Variants in MYLK observed in about 807,000 individuals in gnomAD.
MYLK encodes myosin light chain kinase.
In MYLK, 106 loss-of-function variants were observed where a neutral mutation model predicts 203.4. The ratio of observed to expected loss-of-function variants is 0.52; its 90% CI spans 0.45 to 0.61. MYLK has a LOEUF of 0.61. Among genes scored for constraint, MYLK ranks in the 20% least tolerant of loss-of-function variants. The pLI, the probability that MYLK is intolerant of heterozygous loss-of-function variation, is 0.00. For synonymous variants in MYLK, 867 were observed against 959.5 expected, an observed-to-expected ratio of 0.90 and a Z score of 1.78; for missense variants, 2,072 against 2,442.3, an observed-to-expected ratio of 0.85 and a Z score of 3.20.
rs776964311 is a variant in MYLK, at chr3:123,700,454, G to A, written c.3014C>T (p.Ala1005Val). The change falls in exon 18 of 34, where the codon GCC (alanine) becomes GTC (valine). Residue 1005 changes from alanine to valine, a missense_variant. By Grantham distance (64) the Ala-to-Val change is moderately conservative. Around this residue, in one of 3 missense-constraint regions of MYLK, gnomAD observed 865 missense variants for 1,016.0 expected, o/e 0.85. Transcript: ENST00000360304. ...NGSSSAETLN[A>V]KAVESSKPLS... ...GGGCTTGGAACTCTCCACTGCCTTGGCATTCAGGGTCTCGGCACTGCTGCT... is the reference window on the plus strand; with the variant it reads ...GGGCTTGGAACTCTCCACTGCCTTGACATTCAGGGTCTCGGCACTGCTGCT... The A allele has an allele frequency of 6.2e-7, 1 of 1,608,722 alleles. No individual in the cohort carries two copies.
chr3:123,618,567 C>T (rs860224), intron 33 of MYLK, 72 bp downstream of exon 33: 16 of 1,598,982 alleles, frequency 1.0e-5, no homozygotes, highest in Non-Finnish European at 1.4e-5. Flanking sequence ...TTCTTGCCCA[C>T]GGTGCATGGT....
intron 3 of MYLK, among the ~76,000 whole-genome samples, chr3:123,811,542 G>C (rs761628166): frequency 6.6e-6 from 1 of 152,194 alleles, no homozygotes; most frequent in Non-Finnish European, 1.5e-5. Context: ...CTTCATGCTT[G>C]TCTACTCCTG....
intron 11 of MYLK, among the ~76,000 whole-genome samples, chr3:123,732,038 G>A (rs1386793506): frequency 6.6e-6 from 1 of 150,792 alleles, no homozygotes; most frequent in Non-Finnish European, 1.5e-5. Flanking sequence ...AAAAAAATGG[G>A]TGAAAGTTAT....
intron 7 of MYLK, 91 bp from the exon 8 acceptor site, chr3:123,737,634 C>A (rs1376551952): frequency 6.5e-7 from 1 of 1,540,200 alleles, no homozygotes; most frequent in South Asian, 1.1e-5. Context: ...GTGGGATAGA[C>A]TCCAGGGCCT....
At chr3:123,645,949 G>A (rs56768229) in intron 27 of MYLK, among the ~76,000 whole-genome samples, 11,349 of 152,180 alleles carry the variant, frequency 0.075, 1,345 homozygotes, top group African/African-American at 0.26. Flanking sequence ...TTCGAGACCA[G>A]CCTGGGCAAC....
At chr3:123,860,668 G>A (rs1034479479) in intron 2 of MYLK, among the ~76,000 whole-genome samples, 4 of 152,172 alleles carry the variant, frequency 2.6e-5, no homozygotes, top group Non-Finnish European at 4.4e-5. Flanking sequence ...GCCGTGGATC[G>A]TTAAAGTACT....
chr3:123,719,014 C>T (rs2877733), intron 13 of MYLK, among the ~76,000 whole-genome samples: 4,694 of 152,210 alleles, frequency 0.031, 201 homozygotes, highest in African/African-American at 0.1. Flanking sequence ...GAGAAAGTGA[C>T]ATTTGTGGGA....
intron 3 of MYLK, 115 bp downstream of exon 3, chr3:123,831,433 G>C (rs1336268368): frequency 7.8e-7 from 1 of 1,289,296 alleles, no homozygotes; most frequent in Admixed American, 2.3e-5. Context: ...CTCACCTTGG[G>C]GGCAGCAGTC....
At chr3:123,683,624 G>C (rs1449240762) in intron 19 of MYLK, among the ~76,000 whole-genome samples, 2 of 152,096 alleles carry the variant, frequency 1.3e-5, no homozygotes, top group African/African-American at 4.8e-5. Context: ...CCAACCTAGT[G>C]CCTGCCTCCT....
rs1242296759 is a variant in MYLK at position 123,611,199 on chromosome 3, C to T, written c.*2906G>A. On this transcript the variant is annotated 3_prime_UTR_variant, in exon 34 of 34. Transcript: ENST00000360304. ...ATCAAAGAATCAGAGAATTATCTAG[C>T]CCTACATTTAACAGCATGTCTTAAA... The T allele has an allele frequency of 6.6e-6, 1 of 152,188 alleles. No individual in the cohort carries two copies. Among genetic ancestry groups the T allele is most frequent in the Non-Finnish European group, 1.5e-5 (1 of 68,034 alleles). 9.4% of individuals were successfully genotyped at this position (152,188 alleles called of 1,614,324 possible).
At chr3:123,803,281 TATG>T (rs1303967468) in intron 3 of MYLK, among the ~76,000 whole-genome samples, 1 of 152,228 alleles carries the variant, frequency 6.6e-6, no homozygotes, top group Non-Finnish European at 1.5e-5. Context: ...GAGCTGAATC[TATG>T]ATGACTGCTA....
Position 123,648,906 on chromosome 3 carries a change from T to G in MYLK, c.4415+65A>C, listed in dbSNP as rs1420062718. On this transcript the variant is annotated intron_variant, in intron 26 of 33. Coordinates refer to ENST00000360304, the MANE Select transcript of MYLK (RefSeq NM_053025.4). The surrounding 1 kb of genome is among the most constrained non-coding windows in gnomAD (Gnocchi z 4.5). ...AGCAACAGGAAGCTGAGGCACTGAA[T>G]CTAACTGTGAGACCCGCACCACCCT... The G allele has an allele frequency of 7.2e-7, 1 of 1,394,740 alleles. No homozygotes were observed. Among genetic ancestry groups the G allele is most frequent in the Non-Finnish European group, 1.0e-6 (1 of 982,842 alleles). The allele number at this position is 1,394,740 out of a possible 1,614,324, so 86.4% of individuals were successfully genotyped here.
chr3:123,860,453 C>G (rs540831704), intron 2 of MYLK, among the ~76,000 whole-genome samples: 2 of 152,304 alleles, frequency 1.3e-5, no homozygotes, highest in South Asian at 4.1e-4. Flanking sequence ...AAAATAAAGA[C>G]CCACCTTCTC....
intron 4 of MYLK, among the ~76,000 whole-genome samples, chr3:123,759,087 A>G (rs374583420): frequency 6.6e-6 from 1 of 152,230 alleles, no homozygotes; most frequent in East Asian, 1.9e-4. Flanking sequence ...GGCTTCCCAA[A>G]GTGCTAGGAT....
intron 19 of MYLK, among the ~76,000 whole-genome samples, chr3:123,683,289 G>A (rs1344480319): frequency 6.6e-6 from 1 of 151,906 alleles, no homozygotes; most frequent in Non-Finnish European, 1.5e-5. Flanking sequence ...AGCTAAGTGG[G>A]GGTGGGGGTG....
At chr3:123,801,634 T>C (rs2109161750) in intron 3 of MYLK, among the ~76,000 whole-genome samples, 1 of 152,334 alleles carries the variant, frequency 6.6e-6, no homozygotes, top group East Asian at 1.9e-4. Context: ...TATGTTCATG[T>C]ATACCTCATG....
intron 27 of MYLK, among the ~76,000 whole-genome samples, chr3:123,643,679 G>A (rs1297169496): frequency 5.3e-5 from 8 of 152,172 alleles, no homozygotes; most frequent in Non-Finnish European, 1.2e-4. Flanking sequence ...TAAATTAATG[G>A]TGAGTGAGTG....
intron 2 of MYLK, among the ~76,000 whole-genome samples, chr3:123,844,295 G>A (rs1391082605): frequency 6.6e-6 from 1 of 152,114 alleles, no homozygotes; most frequent in African/African-American, 2.4e-5. Context: ...CTTTTCCAGA[G>A]GGAGGAATCC....
chr3:123,674,480 T>A (rs2060011988), intron 20 of MYLK, among the ~76,000 whole-genome samples: 1 of 152,264 alleles, frequency 6.6e-6, no homozygotes, highest in Non-Finnish European at 1.5e-5. Context: ...CTTTGAGCTC[T>A]GTCCCTGGCT....
Sources: allele counts gnomAD v4.1 joint callset (sites outside exome capture counted in the v4.1 genomes callset), GRCh38; gene constraint gnomAD v4.1.1; regional missense constraint gnomAD v4.1.1; non-coding constraint Gnocchi (gnomAD v3.1); transcripts MANE v1.5; gene names NCBI Gene and HGNC (gene_info 2026-07-23, HGNC 2026-07-21).